Variants in DUOX1 observed in about 807,000 individuals in gnomAD.
DUOX1 encodes dual oxidase 1.
A neutral mutation model predicts 181.8 loss-of-function variants in DUOX1; 134 were observed. The ratio of observed to expected loss-of-function variants is 0.74; its 90% CI spans 0.64 to 0.85. The LOEUF (loss-of-function observed/expected upper bound fraction) is 0.85. Among genes scored for constraint, DUOX1 ranks in the 40% least tolerant of loss-of-function variants. DUOX1 has a pLI of 0.00. For synonymous variants in DUOX1, 798 were observed against 832.5 expected (o/e 0.96, Z 0.71); for missense variants, 1,814 against 2,064.4 (o/e 0.88, Z 2.35).
chr15:45,140,007 C>G, intron 12 of DUOX1: 2 of 1,235,476 alleles, frequency 1.6e-6, no homozygotes, highest in Non-Finnish European at 2.2e-6. Context: ...ACTGGTGGCC[C>G]AGGCCAAGGT....
rs1454930375 is a variant in DUOX1, at chr15:45,148,287, C to G, written c.2658C>G (p.Ile886Met). 1 of 1,614,240 alleles carries G rather than the reference C, an allele frequency of 6.2e-7. No homozygotes were observed. The highest frequency in any genetic ancestry group is 1.1e-5 in the South Asian group (1 of 91,080). ...CCAACCCCAGATCCTTCATCGAGAT[C>G]TCCAACAACTGCCTGTCCAAGGCCC... The part of the protein sequence containing the change: ...FIRMLRSFIE[I>M]SNNCLSKAQL... Residue 886 changes from isoleucine (I) to methionine (M), a missense_variant, in exon 21 of 34, where the codon ATC becomes ATG. Physicochemically the swap from Ile to Met is conservative, Grantham distance 10. Around this residue, in one of 5 missense-constraint regions of DUOX1, gnomAD observed 1,064 missense variants for 1,152.9 expected, o/e 0.92. Coordinates refer to ENST00000389037, the MANE Select transcript of DUOX1 (RefSeq NM_175940.3).
intron 14 of DUOX1, 90 bp from the exon 15 acceptor site, chr15:45,141,885 C>T (rs1019210925): frequency 2.0e-6 from 3 of 1,473,474 alleles, no homozygotes; most frequent in African/African-American, 2.8e-5. Context: ...AGTGCCCCCA[C>T]CCCCTTTCTG....
intron 21 of DUOX1, among the ~76,000 whole-genome samples, chr15:45,148,925 T>G (rs568919754): frequency 1.8e-4 from 27 of 150,000 alleles, no homozygotes; most frequent in African/African-American, 5.2e-4. Context: ...TCTCTTGGGG[T>G]TTTTTTTTGC....
At position 45,165,284 on chromosome 15, in the gene DUOX1, C is replaced by A; in HGVS notation, c.*383C>A. 1 of 186,456 alleles carries A rather than the reference C, an allele frequency of 5.4e-6. No individual in the cohort carries two copies. Among genetic ancestry groups the A allele is most frequent in the Non-Finnish European group, 1.1e-5 (1 of 90,912 alleles). The allele number at this position is 186,456 out of a possible 1,614,324, so 11.6% of individuals were successfully genotyped here. A position where few individuals can be genotyped will look rare whatever the true frequency, so the allele number is the denominator to read the frequency against. ...GGTGAGTGTAAGGATGCAGTGGGAG[C>A]ATGGATGCTGGCATCTTAGAACCCT... On this transcript the variant is annotated 3_prime_UTR_variant, in exon 34 of 34. Transcript: ENST00000389037.
In DUOX1 at chr15:45,161,848, C is replaced by A. The variant is rs888104712; in HGVS notation, c.3967C>A (p.Leu1323Met). 1 of 1,614,084 alleles carries A rather than the reference C, an allele frequency of 6.2e-7. No individual in the cohort carries two copies. Among genetic ancestry groups the A allele is most frequent in the South Asian group, 1.1e-5 (1 of 91,060 alleles). ...LGTTEYHPFT[L>M]TSAPHEDTLS... is the part of the protein sequence containing the mutation. ...GACCACCGAGTACCACCCCTTCACA[C>A]TGACCTCTGCGCCCCATGAGGACAC... The change falls in exon 30 of 34, where the codon CTG becomes ATG. Residue 1323 changes from leucine to methionine, a missense_variant. Around this residue, in one of 5 missense-constraint regions of DUOX1, gnomAD observed 279 missense variants for 381.9 expected, o/e 0.73. Transcript: ENST00000389037.
intron 25 of DUOX1, 83 bp downstream of exon 25, chr15:45,152,599 C>A: frequency 7.9e-7 from 1 of 1,270,148 alleles, no homozygotes; most frequent in Non-Finnish European, 1.1e-6. Context: ...CCCCTCTCTG[C>A]TGGCACTTAC....
At chr15:45,155,696 T>G in intron 27 of DUOX1, 106 bp from the exon 28 acceptor site, 3 of 1,525,440 alleles carry the variant, frequency 2.0e-6, no homozygotes, top group Non-Finnish European at 2.7e-6. Context: ...TGGGACATTC[T>G]TACTCCAACT....
intron 23 of DUOX1, among the ~76,000 whole-genome samples, 181 bp downstream of exon 23, chr15:45,151,429 A>G (rs1440706936): frequency 1.3e-5 from 2 of 152,250 alleles, no homozygotes; most frequent in Non-Finnish European, 2.9e-5. Flanking sequence ...TCAATGTCCC[A>G]CTGATGACTG....
Position 45,141,353 on chromosome 15 carries a change from G to A in DUOX1, c.1627G>A (p.Ala543Thr), listed in dbSNP as rs200421952. 830 of 1,614,228 alleles carry A rather than the reference G, an allele frequency of 5.1e-4. No homozygotes were observed. The highest frequency in any genetic ancestry group is 6.5e-4 in the Non-Finnish European group (764 of 1,180,044). ...TACCACCCTGCAGGACGTGCTGGTC[G>A]CTGTTATCAACATTGACCCCAGTGC... Reference protein sequence around the residue: ...RNTTLQDVLVAVINIDPSALQ... With the variant: ...RNTTLQDVLVTVINIDPSALQ... The change falls in exon 14 of 34, where the codon GCT becomes ACT. Residue 543 changes from alanine (A) to threonine (T), a missense_variant. Physicochemically the swap from Ala to Thr is moderately conservative, Grantham distance 58 (BLOSUM62 0). This residue lies in a region of DUOX1 where 1,064 missense variants were observed against 1,152.9 expected (regional missense o/e 0.92). Transcript: ENST00000389037.
Position 45,152,060 on chromosome 15 carries a change from A to C in DUOX1, c.3193+8A>C. ...TCCTGGAGAGGGCCTACTGTGAGTG[A>C]CTTTACTTACCACGAGCCCTGTCCC... is the stretch of plus-strand genomic sequence containing the variant. On this transcript the variant is annotated splice_region_variant and intron_variant, in intron 24 of 33. Coordinates refer to ENST00000389037, the MANE Select transcript of DUOX1 (RefSeq NM_175940.3). The C allele has an allele frequency of 6.2e-7, 1 of 1,612,246 alleles. No homozygotes were observed. The highest frequency in any genetic ancestry group is 8.5e-7 in the Non-Finnish European group (1 of 1,178,722).
intron 26 of DUOX1, 61 bp downstream of exon 26, chr15:45,153,540 GTGTGTGTA>G (rs1306894181): frequency 0.022 from 7,095 of 327,406 alleles, 416 homozygotes; most frequent in South Asian, 0.07. Context: ...GTGTGTGTGT[GTGTGTGTA>G]TAATGGGGAG....
chr15:45,134,089 G>A (rs563459641), intron 3 of DUOX1, 56 bp from the exon 4 acceptor site: 2 of 1,536,514 alleles, frequency 1.3e-6, no homozygotes, highest in South Asian at 2.5e-5. Flanking sequence ...CTGGGAGAGA[G>A]GGGGTCAAGA....
At position 45,139,583 on chromosome 15, in the gene DUOX1, C is replaced by A; in HGVS notation, c.1373C>A (p.Ser458Tyr). ...TGGCAGGACATCAACCCTGCACTCT[C>A]CCGGAGCAATGACACTGTGAGGAGG... The part of the protein sequence containing the change: ...TRWQDINPAL[S>Y]RSNDTVLEAT... Residue 458 changes from serine (S) to tyrosine (Y), a missense_variant, in exon 12 of 34, where the codon TCC (serine) becomes TAC (tyrosine). Physicochemically the swap from Ser to Tyr is moderately radical, Grantham distance 144. Around this residue, in one of 5 missense-constraint regions of DUOX1, gnomAD observed 1,064 missense variants for 1,152.9 expected, o/e 0.92. Coordinates refer to ENST00000389037, the MANE Select transcript of DUOX1 (RefSeq NM_175940.3). 1.3e-6 allele frequency: 2 copies of A among 1,592,020 alleles called. No homozygotes were observed. Among genetic ancestry groups the A allele is most frequent in the Non-Finnish European group, 1.7e-6 (2 of 1,170,308 alleles).
At position 45,131,632 on chromosome 15, in the gene DUOX1, C is replaced by T. The variant is rs116109230; in HGVS notation, c.-49-286C>T. 1.4e-3 allele frequency: 478 copies of T among 331,378 alleles called. 3 individuals carry two copies. Among genetic ancestry groups the T allele is most frequent in the African/African-American group, 0.01 (455 of 45,222 alleles). 20.5% of individuals were successfully genotyped at this position (331,378 alleles called of 1,614,324 possible). On this transcript the variant is annotated intron_variant, in intron 1 of 33. Coordinates refer to ENST00000389037, the MANE Select transcript of DUOX1 (RefSeq NM_175940.3). The stretch of plus-strand genomic sequence containing the variant: ...AGTGCTGGGCCAAAGCAGGGTTTTC[C>T]AACTAATCTTAGAAGGTAAAGTCCA...
chr15:45,130,330 G>C (rs1319199237), intron 1 of DUOX1, among the ~76,000 whole-genome samples: 1 of 152,198 alleles, frequency 6.6e-6, no homozygotes, highest in East Asian at 1.9e-4. Context: ...TGGGAATGTT[G>C]GGTGGCCTAG....
chr15:45,141,077 C>T lies in DUOX1; in HGVS notation c.1565+7C>T, dbSNP rs200233499. ...TTGAGAACACCAGGAATGGGTAAGG[C>T]GTGCTGGGCCTCCGCCTCAGGCTCT... On this transcript the variant is annotated splice_region_variant and intron_variant, in intron 13 of 33. Coordinates refer to ENST00000389037, the MANE Select transcript of DUOX1 (RefSeq NM_175940.3). 32 of 1,614,172 alleles carry T rather than the reference C, an allele frequency of 2.0e-5. No individual in the cohort carries two copies. The East Asian group carries it at 5.8e-4, about 29-fold the overall frequency.
At chr15:45,140,703 TC>T (rs1896466877) in intron 12 of DUOX1, 191 bp from the exon 13 acceptor site, 1 of 527,196 alleles carries the variant, frequency 1.9e-6, no homozygotes, top group Non-Finnish European at 3.3e-6. Flanking sequence ...GTGAGAGGGT[TC>T]CCATAAATGG....
chr15:45,150,634 G>T lies in DUOX1; in HGVS notation c.2821G>T (p.Val941Leu), dbSNP rs1388205609. The change falls in exon 22 of 34, where the codon GTG (valine) becomes TTG (leucine). Residue 941 changes from valine (V) to leucine (L), a missense_variant and splice_region_variant. Val to Leu is a conservative substitution (Grantham distance 32). Coordinates refer to ENST00000389037, the MANE Select transcript of DUOX1 (RefSeq NM_175940.3). ...CCTAGCCTGGCTCTGCTTTGCAGGG[G>T]TGGAGGTGCCTGAAGTCATCAAGGA... ...LRFTQLCVKG[V>L]EVPEVIKDLC... 2 of 1,613,874 alleles carry T rather than the reference G, an allele frequency of 1.2e-6. 1 individual carries two copies. The highest frequency in any genetic ancestry group is 2.2e-5 in the South Asian group (2 of 91,078).
At position 45,139,467 on chromosome 15, in the gene DUOX1, C is replaced by T; in HGVS notation, c.1257C>T (p.His419=). The change falls in exon 12 of 34, where the codon CAC becomes CAT. Residue 419 remains histidine (H), a synonymous_variant. Coordinates refer to ENST00000389037, the MANE Select transcript of DUOX1 (RefSeq NM_175940.3). Reference sequence around the variant, plus strand: ...CACTGAAGTTTTCCCGCACAGACCACCTGGCCAGCTGCCTGCAGCGGGGCC... The same window carrying T: ...CACTGAAGTTTTCCCGCACAGACCATCTGGCCAGCTGCCTGCAGCGGGGCC... ...PGPLKFSRTD[H]LASCLQRGRD... 2 of 1,613,272 alleles carry T rather than the reference C, an allele frequency of 1.2e-6. No individual in the cohort carries two copies. Among genetic ancestry groups the T allele is most frequent in the Non-Finnish European group, 1.7e-6 (2 of 1,179,776 alleles).
Sources: allele counts gnomAD v4.1 joint callset (sites outside exome capture counted in the v4.1 genomes callset), GRCh38; gene constraint gnomAD v4.1.1; regional missense constraint gnomAD v4.1.1; transcripts MANE v1.5; gene names NCBI Gene and HGNC (gene_info 2026-07-23, HGNC 2026-07-21).